The following CNTNAP4 variants were observed in gnomAD, a reference collection of about 807,000 sequenced individuals.
CNTNAP4 encodes the protein contactin associated protein family member 4.
A neutral mutation model predicts 148.4 loss-of-function variants in CNTNAP4; 98 were observed. The ratio of observed to expected loss-of-function variants is 0.66; its 90% confidence interval spans 0.56 to 0.78. The LOEUF (loss-of-function observed/expected upper bound fraction) is 0.78. Ranked by LOEUF, CNTNAP4 falls within the 30% of genes least tolerant of loss-of-function variation. The pLI, the probability that CNTNAP4 is intolerant of heterozygous loss-of-function variation, is 0.00. For missense variants in CNTNAP4, 1,935 were observed against 1,565.6 expected, an observed-to-expected ratio of 1.24 and a Z score of -3.98; for synonymous variants, 730 against 565.1, an observed-to-expected ratio of 1.29 and a Z score of -4.14.
rs78632814 is a variant in CNTNAP4, at chr16:76,327,046, A to G, written c.196+10523A>G. 6.8e-3 allele frequency among the ~76,000 whole-genome samples: 1,033 copies of G among 152,292 alleles called. 8 individuals carry two copies. Among genetic ancestry groups the G allele is most frequent in the African/African-American group, 0.024 (1,000 of 41,564 alleles). ...TTAAGATGTGTCATGTGGATTGGAC[A>G]TGTCTTCTTTTCCAACATTTATCTT... On this transcript the variant is annotated intron_variant, in intron 2 of 23. Transcript: ENST00000611870.
chr16:76,532,323 A>T (rs144613613), intron 17 of CNTNAP4, among the ~76,000 whole-genome samples: 19 of 152,294 alleles, frequency 1.2e-4, no homozygotes, highest in Admixed American at 6.5e-4. Flanking sequence ...CCTCTAACGA[A>T]ATGTGTTTAT....
chr16:76,352,033 T>C (rs1399576123), intron 2 of CNTNAP4, among the ~76,000 whole-genome samples: 1 of 152,186 alleles, frequency 6.6e-6, no homozygotes, highest in Non-Finnish European at 1.5e-5. Context: ...ATCAGTGTTT[T>C]CTCAAAGGTA....
intron 7 of CNTNAP4, 85 bp from the exon 8 acceptor site, chr16:76,452,423 T>G: frequency 7.3e-7 from 1 of 1,366,826 alleles, no homozygotes; most frequent in Non-Finnish European, 1.0e-6. Context: ...GCGGATAATG[T>G]GAGATTGAAA....
At chr16:76,493,811 G>T (rs17617549) in intron 13 of CNTNAP4, among the ~76,000 whole-genome samples, 1 of 152,148 alleles carries the variant, frequency 6.6e-6, no homozygotes, top group Admixed American at 6.5e-5. Context: ...TTGTTTTGAC[G>T]TGGCCAGACT....
intron 3 of CNTNAP4, among the ~76,000 whole-genome samples, chr16:76,367,862 A>G (rs1043237872): frequency 3.3e-5 from 5 of 152,170 alleles, no homozygotes; most frequent in Admixed American, 2.6e-4. Flanking sequence ...TCTCAGGGAT[A>G]CTTGCCAACT....
At chr16:76,556,912 A>G (rs2085221760) in intron 23 of CNTNAP4, among the ~76,000 whole-genome samples, 1 of 152,196 alleles carries the variant, frequency 6.6e-6, no homozygotes. Flanking sequence ...GCCAGGGTGA[A>G]TCGGCCTAGC....
chr16:76,316,148 AT>A (rs1284496618), intron 1 of CNTNAP4: 2 of 535,884 alleles, frequency 3.7e-6, no homozygotes, highest in African/African-American at 3.8e-5. Flanking sequence ...ATAATGAGGT[AT>A]AATCTTTTCT....
intron 3 of CNTNAP4, among the ~76,000 whole-genome samples, chr16:76,419,592 C>A (rs1449734852): frequency 1.3e-5 from 2 of 151,956 alleles, no homozygotes; most frequent in East Asian, 3.9e-4. Flanking sequence ...GTGCCAGTGG[C>A]TTTTGTTCCA....
intron 21 of CNTNAP4, among the ~76,000 whole-genome samples, chr16:76,542,931 T>C (rs2084527168): frequency 6.6e-6 from 1 of 152,200 alleles, no homozygotes; most frequent in African/African-American, 2.4e-5. Flanking sequence ...CAACATATTA[T>C]AAAACAATTG....
intron 22 of CNTNAP4, 80 bp downstream of exon 22, chr16:76,553,581 G>C: frequency 9.8e-7 from 1 of 1,016,690 alleles, no homozygotes; most frequent in Non-Finnish European, 1.5e-6. Flanking sequence ...GTGGCTTTCA[G>C]GCTACCTTCT....
intron 3 of CNTNAP4, among the ~76,000 whole-genome samples, chr16:76,376,997 T>A (rs891771740): frequency 4.0e-5 from 6 of 150,992 alleles, no homozygotes; most frequent in African/African-American, 1.5e-4. Flanking sequence ...AGATGGGAGA[T>A]TTATTTTAAG....
chr16:76,318,074 T>A (rs1345284792), intron 2 of CNTNAP4, among the ~76,000 whole-genome samples: 1 of 152,186 alleles, frequency 6.6e-6, no homozygotes, highest in African/African-American at 2.4e-5. Flanking sequence ...CAGGGGACTT[T>A]CCTAGCCTCT....
chr16:76,310,680 T>C (rs1391501177), intron 1 of CNTNAP4, among the ~76,000 whole-genome samples: 2 of 152,222 alleles, frequency 1.3e-5, no homozygotes, highest in Non-Finnish European at 2.9e-5. Context: ...ATGGATATTT[T>C]TATGGGACAT....
At chr16:76,327,914 G>A (rs998512029) in intron 2 of CNTNAP4, among the ~76,000 whole-genome samples, 5 of 127,244 alleles carry the variant, frequency 3.9e-5, no homozygotes, top group African/African-American at 1.6e-4. Flanking sequence ...TTGGCCTTCC[G>A]TCATTGTTTC....
At chr16:76,495,351 A>G (rs2082366420) in intron 14 of CNTNAP4, among the ~76,000 whole-genome samples, 1 of 152,080 alleles carries the variant, frequency 6.6e-6, no homozygotes, top group South Asian at 2.1e-4. Flanking sequence ...TTTTAAAACT[A>G]TATATAAGTA....
At chr16:76,399,778 A>G (rs1464772855) in intron 3 of CNTNAP4, among the ~76,000 whole-genome samples, 5 of 152,202 alleles carry the variant, frequency 3.3e-5, no homozygotes, top group African/African-American at 1.2e-4. Flanking sequence ...ATCTTTTGTT[A>G]TGCTTAACTG....
intron 11 of CNTNAP4, among the ~76,000 whole-genome samples, chr16:76,477,846 T>C (rs1027096562): frequency 6.6e-6 from 1 of 152,182 alleles, no homozygotes; most frequent in African/African-American, 2.4e-5. Context: ...TATCAGTGAC[T>C]GAATCTAAAT....
At chr16:76,486,774 G>A (rs545933613) in intron 12 of CNTNAP4, among the ~76,000 whole-genome samples, 1 of 152,270 alleles carries the variant, frequency 6.6e-6, no homozygotes, top group Admixed American at 6.5e-5. Context: ...CTGTATGGAG[G>A]GAAGGAGGAG....
chr16:76,411,113 G>C (rs1001605433), intron 3 of CNTNAP4, among the ~76,000 whole-genome samples: 4 of 151,426 alleles, frequency 2.6e-5, no homozygotes, highest in Non-Finnish European at 4.4e-5. Context: ...AGGGTCATCA[G>C]TTCTGAACTC....
Sources: allele counts gnomAD v4.1 joint callset (sites outside exome capture counted in the v4.1 genomes callset), GRCh38; gene constraint gnomAD v4.1.1; transcripts MANE v1.5; gene names NCBI Gene and HGNC (gene_info 2026-07-23, HGNC 2026-07-21).